Variants in SPARCL1 observed in about 807,000 individuals in gnomAD.
SPARCL1 encodes SPARC like 1.
In SPARCL1, 52 loss-of-function variants were observed where a neutral mutation model predicts 67.1. That is an observed-to-expected ratio of 0.78 (90% CI 0.62 to 0.98). SPARCL1 has a LOEUF of 0.98. SPARCL1 is among the 50% of genes least tolerant of loss of function. SPARCL1 has a pLI of 0.00. For synonymous variants in SPARCL1, 226 were observed against 267.8 expected, an observed-to-expected ratio of 0.84 and a Z score of 1.52; for missense variants, 717 against 782.4, an observed-to-expected ratio of 0.92 and a Z score of 1.00.
chr4:87,517,339 T>A (rs1005580193), intron 1 of SPARCL1, among the ~76,000 whole-genome samples: 4 of 152,190 alleles, frequency 2.6e-5, no homozygotes, highest in African/African-American at 9.7e-5. Context: ...AACATATGTA[T>A]AAACTCTTGG....
At chr4:87,475,119 T>C (rs1436767819) in intron 10 of SPARCL1, among the ~76,000 whole-genome samples, 1 of 152,158 alleles carries the variant, frequency 6.6e-6, no homozygotes, top group Non-Finnish European at 1.5e-5. Flanking sequence ...AATGCTCCCC[T>C]TTTTTAGAAA....
chr4:87,502,348 A>G (rs1230620535), intron 1 of SPARCL1, among the ~76,000 whole-genome samples: 1 of 152,162 alleles, frequency 6.6e-6, no homozygotes, highest in Non-Finnish European at 1.5e-5. Flanking sequence ...CTACAGTGGT[A>G]TAGAGCACTA....
At position 87,494,831 on chromosome 4, in the gene SPARCL1, C is replaced by T. The variant is rs556072624; in HGVS notation, c.201+150G>A. The T allele has an allele frequency of 5.2e-6, 4 of 774,420 alleles. No homozygotes were observed. The African/African-American group carries it at 7.1e-5, about 14-fold the overall frequency. 48.0% of individuals were successfully genotyped at this position (774,420 alleles called of 1,614,324 possible). ...GTAAAACTCATTAATCCTCATCATT[C>T]TTCTAGTGATTGGAGGCAGTTGAGG... On this transcript the variant is annotated intron_variant, in intron 3 of 10. Coordinates refer to ENST00000282470, the MANE Select transcript of SPARCL1 (RefSeq NM_004684.6).
intron 1 of SPARCL1, 34 bp from the exon 2 acceptor site, chr4:87,499,619 GA>G (rs762245012): frequency 1.6e-5 from 24 of 1,518,534 alleles, no homozygotes; most frequent in Non-Finnish European, 2.1e-5. Context: ...CAGTGGCAGG[GA>G]AAAGTTTCCT....
intron 10 of SPARCL1, among the ~76,000 whole-genome samples, chr4:87,478,048 G>A (rs1723651567): frequency 6.6e-6 from 1 of 152,106 alleles, no homozygotes; most frequent in African/African-American, 2.4e-5. Flanking sequence ...ACATATGCAT[G>A]GGGGATATTT....
At chr4:87,505,368 T>C (rs528178935) in intron 1 of SPARCL1, among the ~76,000 whole-genome samples, 246 of 152,210 alleles carry the variant, frequency 1.6e-3, no homozygotes, top group Non-Finnish European at 2.4e-3. Context: ...TTAAAGTAAA[T>C]ATGTGGACTC....
At chr4:87,474,850 C>T (rs2110207383) in intron 10 of SPARCL1, among the ~76,000 whole-genome samples, 1 of 151,624 alleles carries the variant, frequency 6.6e-6, no homozygotes. Context: ...TCACGCCATT[C>T]TCCTGCCTCA....
At chr4:87,522,098 G>A (rs1382170303) in intron 1 of SPARCL1, among the ~76,000 whole-genome samples, 1 of 152,106 alleles carries the variant, frequency 6.6e-6, no homozygotes, top group Non-Finnish European at 1.5e-5. Context: ...TGATGCTTTA[G>A]AGCTTTTAAA....
At chr4:87,502,612 A>C (rs1724897690) in intron 1 of SPARCL1, among the ~76,000 whole-genome samples, 1 of 152,236 alleles carries the variant, frequency 6.6e-6, no homozygotes, top group African/African-American at 2.4e-5. Context: ...TGAGGATATT[A>C]ATCAAATATT....
intron 7 of SPARCL1, among the ~76,000 whole-genome samples, chr4:87,484,073 G>A (rs1019313281): frequency 6.6e-6 from 1 of 152,154 alleles, no homozygotes; most frequent in African/African-American, 2.4e-5. Context: ...CTGTGCAGAA[G>A]CTCTTTAGTT....
chr4:87,509,268 C>T (rs1267499037), intron 1 of SPARCL1, among the ~76,000 whole-genome samples: 1 of 152,044 alleles, frequency 6.6e-6, no homozygotes, highest in Non-Finnish European at 1.5e-5. Flanking sequence ...ATTCTTTAAA[C>T]CTTCTGAACA....
intron 1 of SPARCL1, among the ~76,000 whole-genome samples, chr4:87,500,964 G>A (rs367608074): frequency 2.0e-5 from 3 of 152,026 alleles, no homozygotes; most frequent in Non-Finnish European, 4.4e-5. Flanking sequence ...TTATTTTCTT[G>A]AACGATATTT....
At chr4:87,510,779 C>T (rs370270490) in intron 1 of SPARCL1, among the ~76,000 whole-genome samples, 1 of 152,246 alleles carries the variant, frequency 6.6e-6, no homozygotes, top group African/African-American at 2.4e-5. Context: ...CCCTTGCTGG[C>T]GGAAGGCAGT....
intron 1 of SPARCL1, among the ~76,000 whole-genome samples, chr4:87,519,856 T>A (rs1389482647): frequency 6.6e-6 from 1 of 152,186 alleles, no homozygotes; most frequent in Non-Finnish European, 1.5e-5. Context: ...GAATTTAGGA[T>A]GACCCCTCTC....
At chr4:87,495,644 C>T (rs1034373730) in intron 2 of SPARCL1, among the ~76,000 whole-genome samples, 6 of 152,098 alleles carry the variant, frequency 3.9e-5, no homozygotes, top group Non-Finnish European at 1.5e-5. Context: ...CTTAATGGGG[C>T]TGGGCATGGT....
chr4:87,476,040 G>T (rs1009877429), intron 10 of SPARCL1, among the ~76,000 whole-genome samples: 2 of 152,132 alleles, frequency 1.3e-5, no homozygotes, highest in African/African-American at 4.8e-5. Flanking sequence ...AGAGATAATG[G>T]CCAAACCATA....
chr4:87,528,513 T>A (rs1309326641), intron 1 of SPARCL1: 2 of 152,122 alleles, frequency 1.3e-5, no homozygotes, highest in Non-Finnish European at 2.9e-5. Context: ...AACTTAAAAA[T>A]AATCAAACAA....
chr4:87,497,745 A>G (rs1011345192), intron 2 of SPARCL1, among the ~76,000 whole-genome samples: 1 of 152,270 alleles, frequency 6.6e-6, no homozygotes, highest in Non-Finnish European at 1.5e-5. Context: ...TGTCATTCAA[A>G]CATTTGGTTC....
intron 10 of SPARCL1, among the ~76,000 whole-genome samples, chr4:87,478,455 T>C (rs1383976003): frequency 2.2e-5 from 3 of 135,944 alleles, no homozygotes; most frequent in African/African-American, 8.1e-5. Context: ...TTTTTTTTTT[T>C]GAGACCGAGT....
Sources: allele counts gnomAD v4.1 joint callset (sites outside exome capture counted in the v4.1 genomes callset), GRCh38; gene constraint gnomAD v4.1.1; transcripts MANE v1.5; gene names NCBI Gene and HGNC (gene_info 2026-07-23, HGNC 2026-07-21).